The following WDFY4 variants were observed in gnomAD, a reference collection of about 807,000 sequenced individuals.
WDFY4 encodes WD repeat- and FYVE domain-containing protein 4.
WDFY4 carries 169 observed loss-of-function variants against 351.9 expected under a neutral mutation model. The ratio of observed to expected loss-of-function variants is 0.48; its 90% CI spans 0.42 to 0.55. The LOEUF (loss-of-function observed/expected upper bound fraction) is 0.55. Ranked by LOEUF, WDFY4 falls within the 20% of genes least tolerant of loss-of-function variation. WDFY4 has a pLI of 0.00. For synonymous variants in WDFY4, 1,622 were observed against 1,574.6 expected (o/e 1.03, Z -0.71); for missense variants, 3,803 against 3,935.6 (o/e 0.97, Z 0.90).
At chr10:48,965,487 G>C (rs934139595) in intron 54 of WDFY4, among the ~76,000 whole-genome samples, 3 of 152,144 alleles carry the variant, frequency 2.0e-5, no homozygotes, top group African/African-American at 7.2e-5. Flanking sequence ...TGTTTGCATT[G>C]ATCGCCCACC....
intron 47 of WDFY4, among the ~76,000 whole-genome samples, chr10:48,940,494 G>A (rs1049200577): frequency 3.3e-5 from 5 of 152,206 alleles, no homozygotes; most frequent in South Asian, 2.1e-4. Flanking sequence ...ATGTGAAGCA[G>A]CACTGTCCCC....
chr10:48,763,340 G>C (rs1292282993), intron 13 of WDFY4, among the ~76,000 whole-genome samples: 2 of 152,252 alleles, frequency 1.3e-5, no homozygotes, highest in African/African-American at 4.8e-5. Context: ...GATCTTTGCA[G>C]CTCTCACAGA....
At position 48,888,919 on chromosome 10, in the gene WDFY4, G is replaced by C. The variant is rs527634580; in HGVS notation, c.7168-1660G>C. On this transcript the variant is annotated intron_variant, in intron 43 of 61. Transcript: ENST00000325239. The stretch of plus-strand genomic sequence containing the variant: ...GCATGTATCACAGGTTGTAATAGTT[G>C]GTTGGTTAAAATCCCGCTACTGGAT... Among the ~76,000 whole-genome samples, 7 of 152,270 alleles carry C rather than the reference G, an allele frequency of 4.6e-5. No individual in the cohort carries two copies. In the East Asian group the frequency reaches 1.4e-3, roughly 29 times the overall value.
chr10:48,727,843 A>G (rs1297179750), intron 7 of WDFY4, among the ~76,000 whole-genome samples, 184 bp downstream of exon 7: 1 of 152,194 alleles, frequency 6.6e-6, no homozygotes, highest in Middle Eastern at 3.2e-3. Flanking sequence ...GAGAATCAGT[A>G]GTTTTACAAA....
At chr10:48,982,478 A>G (rs1399505021) in intron 61 of WDFY4, 31 bp from the exon 62 acceptor site, 2 of 1,479,086 alleles carry the variant, frequency 1.4e-6, no homozygotes, top group Non-Finnish European at 1.8e-6. Context: ...CTGTCCCTCT[A>G]ACGTTCTTGT....
At chr10:48,958,144 G>C (rs563071715) in intron 52 of WDFY4, among the ~76,000 whole-genome samples, 1 of 152,318 alleles carries the variant, frequency 6.6e-6, no homozygotes, top group African/African-American at 2.4e-5. Flanking sequence ...GTACAGCAGA[G>C]GAGATTAGTC....
intron 44 of WDFY4, among the ~76,000 whole-genome samples, chr10:48,891,522 T>G (rs2070695914): frequency 6.6e-6 from 1 of 152,254 alleles, no homozygotes; most frequent in Middle Eastern, 3.2e-3. Flanking sequence ...GGATGAAGAG[T>G]TCTTCGTGCA....
At chr10:48,793,000 G>A (rs2132761826) in intron 23 of WDFY4, among the ~76,000 whole-genome samples, 1 of 152,288 alleles carries the variant, frequency 6.6e-6, no homozygotes. Context: ...GGGTCAAAAA[G>A]GGTTTTGTTA....
At position 48,731,559 on chromosome 10, in the gene WDFY4, T is replaced by C; in HGVS notation, c.1579T>C (p.Ser527Pro). Residue 527 changes from serine to proline, a missense_variant, in exon 9 of 62, where the codon TCA becomes CCA. By Grantham distance (74) the Ser-to-Pro change is moderately conservative (BLOSUM62 -1). This residue lies in a region of WDFY4 where 261 missense variants were observed against 330.2 expected (regional missense o/e 0.79). Transcript: ENST00000325239. ...GAAGCAAGCCAAGATCATGAGGAAG[T>C]CAGGTGCCACTGGGTGCATTGGGAG... ...LRKQAKIMRK[S>P]GNKVSTPGVQ... 2.6e-6 allele frequency: 4 copies of C among 1,549,912 alleles called. No individual in the cohort carries two copies. The highest frequency in any genetic ancestry group is 3.5e-6 in the Non-Finnish European group (4 of 1,146,542).
intron 20 of WDFY4, 95 bp downstream of exon 20, chr10:48,786,965 C>A: frequency 9.0e-7 from 1 of 1,116,564 alleles, no homozygotes; most frequent in Non-Finnish European, 1.3e-6. Context: ...ATAAGCTCAG[C>A]GTTAAAGTCA....
At chr10:48,865,488 T>C (rs903076134) in intron 39 of WDFY4, among the ~76,000 whole-genome samples, 3 of 152,252 alleles carry the variant, frequency 2.0e-5, no homozygotes, top group Admixed American at 1.3e-4. Flanking sequence ...TGGGGATTTC[T>C]ACATTAATAT....
chr10:48,801,121 T>C (rs2067075256), intron 24 of WDFY4, among the ~76,000 whole-genome samples: 2 of 152,236 alleles, frequency 1.3e-5, no homozygotes, highest in African/African-American at 4.8e-5. Context: ...TGACACATTA[T>C]ACAGTCCATA....
intron 54 of WDFY4, 52 bp downstream of exon 54, chr10:48,964,106 G>T: frequency 6.5e-7 from 1 of 1,528,906 alleles, no homozygotes; most frequent in Admixed American, 2.0e-5. Context: ...TGTGTGCAGT[G>T]TGAGGACATT....
chr10:48,882,937 A>G (rs898478107), intron 43 of WDFY4, among the ~76,000 whole-genome samples: 10 of 152,132 alleles, frequency 6.6e-5, no homozygotes, highest in Non-Finnish European at 1.0e-4. Flanking sequence ...CAGGGTGGCT[A>G]CTCACTGGAA....
intron 23 of WDFY4, among the ~76,000 whole-genome samples, chr10:48,792,719 A>G (rs1339719910): frequency 6.6e-6 from 1 of 152,232 alleles, no homozygotes; most frequent in Non-Finnish European, 1.5e-5. Flanking sequence ...ATTTTAATAT[A>G]AATAAAAATG....
At chr10:48,764,235 C>T (rs1000992234) in intron 13 of WDFY4, among the ~76,000 whole-genome samples, 6 of 152,194 alleles carry the variant, frequency 3.9e-5, no homozygotes, top group Admixed American at 2.6e-4. Context: ...GTGATGGCCA[C>T]GTTACATTTG....
At chr10:48,798,004 A>G (rs2066930528) in intron 24 of WDFY4, among the ~76,000 whole-genome samples, 1 of 152,176 alleles carries the variant, frequency 6.6e-6, no homozygotes, top group African/African-American at 2.4e-5. Context: ...AAACTGAGGC[A>G]AGGGTAGTGG....
chr10:48,901,613 T>C lies in WDFY4; in HGVS notation c.7524-188T>C, dbSNP rs186883134. ...TTGTTGGTATTAAGGCAATAGTGTG[T>C]AATGCCAGAGAGTGCTGAGGGTTGC... On this transcript the variant is annotated intron_variant, in intron 46 of 61. Transcript: ENST00000325239. Among the ~76,000 whole-genome samples, 105 of 152,292 alleles carry C rather than the reference T, an allele frequency of 6.9e-4. 2 individuals are homozygous for C. Among genetic ancestry groups the C allele is most frequent in the Non-Finnish European group, 2.6e-4 (18 of 68,026 alleles).
chr10:48,870,513 C>T (rs998329496), intron 40 of WDFY4, among the ~76,000 whole-genome samples: 4 of 150,552 alleles, frequency 2.7e-5, no homozygotes, highest in African/African-American at 9.8e-5. Context: ...CCACTGCTTT[C>T]TAGCCTTCTA....
Sources: allele counts gnomAD v4.1 joint callset (sites outside exome capture counted in the v4.1 genomes callset), GRCh38; gene constraint gnomAD v4.1.1; regional missense constraint gnomAD v4.1.1; transcripts MANE v1.5; gene names NCBI Gene and HGNC (gene_info 2026-07-23, HGNC 2026-07-21).